Variants in KDM4B observed in about 807,000 individuals in gnomAD.
KDM4B encodes the protein lysine-specific demethylase 4B.
KDM4B carries 32 observed loss-of-function variants against 125.2 expected under a neutral mutation model. The observed-to-expected ratio is 0.26, with a 90% CI of 0.19 to 0.34. The LOEUF (loss-of-function observed/expected upper bound fraction) is 0.34. KDM4B is among the 10% of genes least tolerant of loss of function. The pLI, the probability that KDM4B is intolerant of heterozygous loss-of-function variation, is 1.00. For missense variants in KDM4B, 1,190 were observed against 1,577.7 expected (o/e 0.75, Z 4.16); for synonymous variants, 721 against 677.9 (o/e 1.06, Z -0.99).
intron 9 of KDM4B, among the ~76,000 whole-genome samples, chr19:5,098,821 C>G (rs968000069): frequency 2.6e-5 from 4 of 152,184 alleles, no homozygotes; most frequent in African/African-American, 9.7e-5. Flanking sequence ...TCACCAGACA[C>G]CAGACCTGCC....
At chr19:4,969,673 C>T (rs1261505016) in intron 1 of KDM4B, among the ~76,000 whole-genome samples, 2 of 152,044 alleles carry the variant, frequency 1.3e-5, no homozygotes, top group South Asian at 2.1e-4. Flanking sequence ...AGACCCCAGC[C>T]CCTGGGTAAC....
intron 10 of KDM4B, chr19:5,113,926 A>G: frequency 8.3e-7 from 1 of 1,210,332 alleles, no homozygotes; most frequent in South Asian, 1.5e-5. Flanking sequence ...CAGCTGCCTG[A>G]GCTCAGAGGA....
chr19:5,088,209 C>T (rs968970161), intron 9 of KDM4B, among the ~76,000 whole-genome samples: 2 of 152,228 alleles, frequency 1.3e-5, no homozygotes, highest in Admixed American at 6.5e-5. Flanking sequence ...TCAGGGTGAC[C>T]GTCCACACCT....
chr19:5,142,333 C>T lies in KDM4B; in HGVS notation c.2551-1634C>T, dbSNP rs1308861254. ...CAGGAAGGGAGGTGACGGCCAAGAA[C>T]GCCTGCCCGACCTCCTGTGGCCACA... On this transcript the variant is annotated intron_variant, in intron 18 of 22. Coordinates refer to ENST00000159111, the MANE Select transcript of KDM4B (RefSeq NM_015015.3). The surrounding 1 kb of genome is among the most constrained non-coding windows in gnomAD (Gnocchi z 5.4). Among the ~76,000 whole-genome samples, 5 of 152,272 alleles carry T rather than the reference C, an allele frequency of 3.3e-5. No individual in the cohort carries two copies. Among genetic ancestry groups the T allele is most frequent in the Admixed American group, 6.5e-5 (1 of 15,298 alleles).
At position 5,119,247 on chromosome 19, in the gene KDM4B, G is replaced by T. The variant is rs117709745; in HGVS notation, c.1116-406G>T. 52 of 1,419,220 alleles carry T rather than the reference G, an allele frequency of 3.7e-5. 1 individual carries two copies. In the African/African-American group the frequency reaches 6.9e-4, roughly 19 times the overall value. 87.9% of individuals were successfully genotyped at this position (1,419,220 alleles called of 1,614,324 possible). A position where few individuals can be genotyped will look rare whatever the true frequency, so the allele number is the denominator to read the frequency against. On this transcript the variant is annotated intron_variant, in intron 10 of 22. Coordinates refer to ENST00000159111, the MANE Select transcript of KDM4B (RefSeq NM_015015.3). ...AAGTGTCTTTTTCGTTCCGTTTGTC[G>T]TCTAGGCATTTTCCATGAGCTGCTG...
intron 1 of KDM4B, among the ~76,000 whole-genome samples, chr19:5,013,313 G>A (rs559507580): frequency 6.6e-6 from 1 of 152,330 alleles, no homozygotes; most frequent in Admixed American, 6.5e-5. Flanking sequence ...CCTGGTGGCA[G>A]CCAGGAGCAG....
At chr19:5,036,940 G>C (rs534097750) in intron 3 of KDM4B, among the ~76,000 whole-genome samples, 1 of 152,242 alleles carries the variant, frequency 6.6e-6, no homozygotes, top group African/African-American at 2.4e-5. Flanking sequence ...GTCACCTAGA[G>C]TGTGGCTCCG....
rs771326087 is a variant in KDM4B at position 5,131,549 on chromosome 19, G to A, written c.1785+4G>A. The stretch of plus-strand genomic sequence containing the variant: ...AGCCCGGGCCGGAGAGGGGCAGGTG[G>A]GGTGGAGCGGGGGAGGCAGGGAGGA... On this transcript the variant is annotated splice_donor_region_variant and intron_variant, in intron 12 of 22. Transcript: ENST00000159111. 6 of 1,482,054 alleles carry A rather than the reference G, an allele frequency of 4.0e-6. No homozygotes were observed. The highest frequency in any genetic ancestry group is 2.1e-4 in the Middle Eastern group (1 of 4,652). The allele number at this position is 1,482,054 out of a possible 1,614,324, so 91.8% of individuals were successfully genotyped here. A position where few individuals can be genotyped will look rare whatever the true frequency, so the allele number is the denominator to read the frequency against.
At chr19:5,007,334 C>T (rs2035592452) in intron 1 of KDM4B, among the ~76,000 whole-genome samples, 1 of 152,208 alleles carries the variant, frequency 6.6e-6, no homozygotes, top group Admixed American at 6.5e-5. Context: ...TGATGTCAAG[C>T]ATCTCTTCCT....
intron 1 of KDM4B, among the ~76,000 whole-genome samples, chr19:4,988,081 C>A (rs1057188025): frequency 1.3e-5 from 2 of 152,186 alleles, no homozygotes; most frequent in Admixed American, 1.3e-4. Flanking sequence ...TTCCAGCACA[C>A]GCGAGCAAAG....
At position 5,131,299 on chromosome 19, in the gene KDM4B, G is replaced by A. The variant is rs2039540421; in HGVS notation, c.1539G>A (p.Val513=). The A allele has an allele frequency of 1.2e-6, 2 of 1,612,094 alleles. No homozygotes were observed. The highest frequency in any genetic ancestry group is 1.3e-5 in the African/African-American group (1 of 74,828). Residue 513 remains valine (V), a synonymous_variant, in exon 12 of 23, where the codon GTG becomes GTA. Coordinates refer to ENST00000159111, the MANE Select transcript of KDM4B (RefSeq NM_015015.3). ...CCCTTAATGTCGTGCCCCCTGAGGT[G>A]CCCAGTGAGGAGCTAGAGGCCAAGC... is the stretch of plus-strand genomic sequence containing the variant. The part of the protein sequence containing the change: ...PAPLNVVPPE[V]PSEELEAKPR...
chr19:5,147,515 T>G (rs1039734070), intron 21 of KDM4B, among the ~76,000 whole-genome samples: 1 of 151,910 alleles, frequency 6.6e-6, no homozygotes, highest in African/African-American at 2.4e-5. Flanking sequence ...GAGGCTGAGG[T>G]GGGCAGAGCG....
chr19:5,150,469 C>T lies in KDM4B; in HGVS notation c.3114+19C>T. On this transcript the variant is annotated intron_variant, in intron 22 of 22. Coordinates refer to ENST00000159111, the MANE Select transcript of KDM4B (RefSeq NM_015015.3). ...TCGGCTGGTGAGTGCGCGAGGCTGG[C>T]CTGGTGGCTCCGGGTGACTCAGGGA... is the stretch of plus-strand genomic sequence containing the variant. The T allele has an allele frequency of 6.5e-7, 1 of 1,534,766 alleles. No individual in the cohort carries two copies. Among genetic ancestry groups the T allele is most frequent in the Non-Finnish European group, 8.8e-7 (1 of 1,135,400 alleles).
At chr19:4,969,321 G>A (rs1298158571) in intron 1 of KDM4B, 91 bp downstream of exon 1, 30 of 146,366 alleles carry the variant, frequency 2.0e-4, no homozygotes, top group African/African-American at 7.3e-4. Flanking sequence ...CTGCGGGCGC[G>A]CCCGGGACTC....
At chr19:4,970,812 C>T (rs112198145) in intron 1 of KDM4B, among the ~76,000 whole-genome samples, 132 of 147,310 alleles carry the variant, frequency 9.0e-4, no homozygotes, top group Non-Finnish European at 1.1e-3. Flanking sequence ...AGCGTAAAGC[C>T]GTGGTAGAGT....
intron 1 of KDM4B, among the ~76,000 whole-genome samples, chr19:4,994,565 C>CAA (rs397820720): frequency 0.09 from 4,115 of 45,524 alleles, 443 homozygotes; most frequent in African/African-American, 0.14. Flanking sequence ...CTCTGTCTCT[C>CAA]AAAAAAAAAA....
At chr19:5,021,067 A>G (rs866491558) in intron 2 of KDM4B, among the ~76,000 whole-genome samples, 50 of 151,186 alleles carry the variant, frequency 3.3e-4, no homozygotes, top group African/African-American at 6.8e-4. Context: ...AATTGCTTGA[A>G]CCTGGGGGCA....
At chr19:5,083,705 C>G (rs774597527) in intron 9 of KDM4B, among the ~76,000 whole-genome samples, 1 of 152,222 alleles carries the variant, frequency 6.6e-6, no homozygotes, top group Admixed American at 6.5e-5. Flanking sequence ...GCCTCAGCCC[C>G]TCCCGGCGTC....
rs371368588 is a variant in KDM4B at position 5,082,435 on chromosome 19, G to C, written c.849G>C (p.Gly283=). 1 of 1,613,598 alleles carries C rather than the reference G, an allele frequency of 6.2e-7. No homozygotes were observed. The highest frequency in any genetic ancestry group is 2.2e-5 in the East Asian group (1 of 44,864). The change falls in exon 9 of 23, where the codon GGG becomes GGC. Residue 283 remains glycine (G), a synonymous_variant. Coordinates refer to ENST00000159111, the MANE Select transcript of KDM4B (RefSeq NM_015015.3). The surrounding 1 kb of genome is among the most constrained non-coding windows in gnomAD (Gnocchi z 5.4). ...GCTACCACGCCGGCTTCAATCACGGGTTCAACTGCGCAGAATCTACCAACT... is the reference window on the plus strand; with the variant it reads ...GCTACCACGCCGGCTTCAATCACGGCTTCAACTGCGCAGAATCTACCAACT... ...PYGYHAGFNH[G]FNCAESTNFA... is the part of the protein sequence containing the mutation.
Sources: gnomAD v4.1 joint callset for allele counts (sites outside exome capture counted in the v4.1 genomes callset) on GRCh38, gnomAD v4.1.1 for gene constraint, Gnocchi (gnomAD v3.1) non-coding constraint, MANE v1.5 for transcripts, NCBI Gene and HGNC (gene_info 2026-07-23, HGNC 2026-07-21) for gene names.